The following PRKAR1A variants were observed in gnomAD, a reference collection of about 807,000 sequenced individuals.
The protein encoded by PRKAR1A is cAMP-dependent protein kinase type I-alpha regulatory subunit.
In PRKAR1A, 3 loss-of-function variants were observed where a neutral mutation model predicts 52.0. The ratio of observed to expected loss-of-function variants is 0.06; its 90% CI spans 0.03 to 0.15. PRKAR1A has a LOEUF of 0.15. Among genes scored for constraint, PRKAR1A ranks in the 10% least tolerant of loss-of-function variants. The pLI, the probability that PRKAR1A is intolerant of heterozygous loss-of-function variation, is 1.00. For synonymous variants in PRKAR1A, 188 were observed against 168.4 expected (o/e 1.12, Z -0.90); for missense variants, 240 against 477.4 (o/e 0.50, Z 4.63).
chr17:68,531,505 C>T lies in PRKAR1A; in HGVS notation c.*1056C>T, dbSNP rs913545572. ...AAAGTTCAGTGTCGGGAATTTTCCC[C>T]GTGACATTCACTGGGGCATGAGATT... On this transcript the variant is annotated 3_prime_UTR_variant, in exon 11 of 11. Coordinates refer to ENST00000589228, the MANE Select transcript of PRKAR1A (RefSeq NM_002734.5). 7.5e-6 allele frequency: 8 copies of T among 1,066,122 alleles called. No homozygotes were observed. The highest frequency in any genetic ancestry group is 4.5e-5 in the South Asian group (1 of 21,988). 66.0% of individuals were successfully genotyped at this position (1,066,122 alleles called of 1,614,324 possible). A position where few individuals can be genotyped will look rare whatever the true frequency, so the allele number is the denominator to read the frequency against.
At chr17:68,444,139 T>C in the PRKAR1A span, among the ~76,000 whole-genome samples, 1 of 152,220 alleles carries the variant, frequency 6.6e-6, no homozygotes, top group Non-Finnish European at 1.5e-5. Context: ...TCACGCCTAC[T>C]CTGTACTGAA....
intron 8 of PRKAR1A, 73 bp from the exon 9 acceptor site, chr17:68,528,797 C>G (rs2085872560): frequency 6.3e-7 from 1 of 1,584,394 alleles, no homozygotes; most frequent in Non-Finnish European, 8.7e-7. Flanking sequence ...GGTTGAATCT[C>G]TTTATACTTT....
At chr17:68,467,953 G>A in the PRKAR1A span, among the ~76,000 whole-genome samples, 1 of 151,968 alleles carries the variant, frequency 6.6e-6, no homozygotes, top group African/African-American at 2.4e-5. Flanking sequence ...GGAGTGCAGT[G>A]GTGCCATCAT....
the PRKAR1A span, among the ~76,000 whole-genome samples, chr17:68,497,846 T>G: frequency 6.6e-6 from 1 of 152,124 alleles, no homozygotes; most frequent in Non-Finnish European, 1.5e-5. Context: ...ACATAGACAT[T>G]GAATTGTAAC....
At chr17:68,504,085 C>T in the PRKAR1A span, among the ~76,000 whole-genome samples, 6 of 152,186 alleles carry the variant, frequency 3.9e-5, no homozygotes, top group Admixed American at 2.6e-4. Context: ...GAGATATCTG[C>T]ACTCCCATAT....
At chr17:68,541,888 C>T in intron 11 of PRKAR1A, 1 of 1,438,664 alleles carries the variant, frequency 7.0e-7, no homozygotes, top group Non-Finnish European at 9.5e-7. Context: ...ATTGAGGCAG[C>T]TTTTCAGATT....
the PRKAR1A span, among the ~76,000 whole-genome samples, chr17:68,438,664 G>C: frequency 6.6e-6 from 1 of 152,198 alleles, no homozygotes; most frequent in Non-Finnish European, 1.5e-5. Flanking sequence ...GCAGTGGTGC[G>C]ATCTTGGCTC....
chr17:68,417,794 C>T, the PRKAR1A span, among the ~76,000 whole-genome samples: 4 of 112,300 alleles, frequency 3.6e-5, no homozygotes, highest in Non-Finnish European at 4.9e-5. Flanking sequence ...GTTGCCTGGG[C>T]TGGAGTGCAG....
At chr17:68,419,960 A>G in the PRKAR1A span, among the ~76,000 whole-genome samples, 1 of 152,224 alleles carries the variant, frequency 6.6e-6, no homozygotes, top group African/African-American at 2.4e-5. Context: ...CCCTGCCTCA[A>G]AAAACAAAAA....
intron 2 of PRKAR1A, among the ~76,000 whole-genome samples, chr17:68,522,174 A>T (rs2085632892): frequency 6.6e-6 from 1 of 152,222 alleles, no homozygotes; most frequent in Non-Finnish European, 1.5e-5. Flanking sequence ...TGGAATGTGA[A>T]TTCCACAGGC....
the PRKAR1A span, among the ~76,000 whole-genome samples, chr17:68,463,320 A>G: frequency 6.6e-6 from 1 of 152,222 alleles, no homozygotes; most frequent in Non-Finnish European, 1.5e-5. Context: ...TTTACTGTCT[A>G]TAAATGGAAA....
At position 68,524,096 on chromosome 17, in the gene PRKAR1A, T is replaced by C. The variant is rs2143294756; in HGVS notation, c.502+19T>C. ...CAGCAAGGTAAGGGCCTCTGGAGCA[T>C]GCAATATTGTTACGGGAGAGGAGGC... On this transcript the variant is annotated intron_variant, in intron 5 of 10. Transcript: ENST00000589228. The C allele has an allele frequency of 3.1e-6, 5 of 1,612,876 alleles. No individual in the cohort carries two copies. The highest frequency in any genetic ancestry group is 1.1e-5 in the South Asian group (1 of 91,048).
chr17:68,515,530 A>C lies in PRKAR1A; in HGVS notation c.131A>C (p.Glu44Ala). 1 of 1,613,100 alleles carries C rather than the reference A, an allele frequency of 6.2e-7. No individual in the cohort carries two copies. Among genetic ancestry groups the C allele is most frequent in the Non-Finnish European group, 8.5e-7 (1 of 1,180,042 alleles). The stretch of plus-strand genomic sequence containing the variant: ...GTGCAGTTGTGCACTGCTCGACCTG[A>C]GAGACCCATGGCATTCCTCAGGGAA... ...SIVQLCTARPERPMAFLREYF... is the reference protein window; with the variant it reads ...SIVQLCTARPARPMAFLREYF... The change falls in exon 2 of 11, where the codon GAG becomes GCG. Residue 44 changes from glutamate to alanine, a missense_variant. Glu to Ala is a moderately radical substitution (Grantham distance 107, BLOSUM62 -1). This residue lies in a region of PRKAR1A where 107 missense variants were observed against 114.6 expected (regional missense o/e 0.93). Coordinates refer to ENST00000589228, the MANE Select transcript of PRKAR1A (RefSeq NM_002734.5).
intron 1 of PRKAR1A, among the ~76,000 whole-genome samples, chr17:68,513,953 TTAAG>T (rs1420514803): frequency 6.6e-6 from 1 of 152,238 alleles, no homozygotes; most frequent in African/African-American, 2.4e-5. Context: ...TTGGTGGCCT[TTAAG>T]TATTATTTGA....
At chr17:68,417,387 A>T in the PRKAR1A span, among the ~76,000 whole-genome samples, 1 of 152,060 alleles carries the variant, frequency 6.6e-6, no homozygotes, top group Non-Finnish European at 1.5e-5. Context: ...GGATGAAGAG[A>T]TTTTTCTCCA....
At chr17:68,507,370 C>G (rs1370485435), upstream of PRKAR1A, among the ~76,000 whole-genome samples, 3 of 152,176 alleles carry the variant, frequency 2.0e-5, no homozygotes, top group Non-Finnish European at 4.4e-5. Flanking sequence ...GAGCTGGAAG[C>G]TATTATCTTC....
the PRKAR1A span, chr17:68,436,361 G>C: frequency 1.9e-6 from 3 of 1,610,972 alleles, no homozygotes; most frequent in Non-Finnish European, 2.5e-6. Flanking sequence ...GGTTGGCTCA[G>C]CCAGGTCACC....
At chr17:68,539,844 T>C in intron 11 of PRKAR1A, 1 of 1,594,650 alleles carries the variant, frequency 6.3e-7, no homozygotes. Flanking sequence ...GAGCAGCACA[T>C]CTGGGAGAGG....
chr17:68,530,771 T>C lies in PRKAR1A; in HGVS notation c.*322T>C, dbSNP rs1369548061. 6 of 1,301,422 alleles carry C rather than the reference T, an allele frequency of 4.6e-6. No homozygotes were observed. In the Admixed American group the frequency reaches 1.3e-4, roughly 28 times the overall value. The allele number at this position is 1,301,422 out of a possible 1,614,324, so 80.6% of individuals were successfully genotyped here. A position where few individuals can be genotyped will look rare whatever the true frequency, so the allele number is the denominator to read the frequency against. On this transcript the variant is annotated 3_prime_UTR_variant, in exon 11 of 11. Coordinates refer to ENST00000589228, the MANE Select transcript of PRKAR1A (RefSeq NM_002734.5). ...GATCCCAGCACCTATTGAATTACCA[T>C]AGAGTAATGATGTAACAGTGCAAGA...
Sources: allele counts gnomAD v4.1 joint callset (sites outside exome capture counted in the v4.1 genomes callset), GRCh38; gene constraint gnomAD v4.1.1; regional missense constraint gnomAD v4.1.1; transcripts MANE v1.5; gene names NCBI Gene and HGNC (gene_info 2026-07-23, HGNC 2026-07-21).